Variants in RNF166 observed in about 807,000 individuals in gnomAD.
RNF166 encodes the protein E3 ubiquitin-protein ligase RNF166.
In RNF166, 19 loss-of-function variants were observed where a neutral mutation model predicts 29.4. That is an observed-to-expected ratio of 0.65 (90% CI 0.45 to 0.95). The LOEUF (loss-of-function observed/expected upper bound fraction) is 0.95. RNF166 is among the 40% of genes least tolerant of loss of function. The pLI, the probability that RNF166 is intolerant of heterozygous loss-of-function variation, is 0.00. For missense variants in RNF166, 347 were observed against 322.1 expected (o/e 1.08, Z -0.59); for synonymous variants, 171 against 134.5 (o/e 1.27, Z -1.88).
intron 1 of RNF166, among the ~76,000 whole-genome samples, chr16:88,704,760 C>T (rs1293660379): frequency 5.9e-5 from 9 of 152,166 alleles, no homozygotes; most frequent in Admixed American, 2.6e-4. Flanking sequence ...GAGGCTGAGA[C>T]GGGCAGGTCA....
intron 1 of RNF166, chr16:88,703,861 G>C (rs1217329507): frequency 1.0e-6 from 1 of 985,346 alleles, no homozygotes; most frequent in Non-Finnish European, 1.2e-6. Context: ...GATCTGCCTG[G>C]CTGGCAGGCC....
At chr16:88,699,360 G>T (rs533737131) in intron 3 of RNF166, among the ~76,000 whole-genome samples, 1 of 152,356 alleles carries the variant, frequency 6.6e-6, no homozygotes, top group East Asian at 1.9e-4. Flanking sequence ...CACCTGCTGG[G>T]AGGCGATGTG....
At chr16:88,702,851 G>A (rs535724149) in intron 1 of RNF166, 4 of 985,384 alleles carry the variant, frequency 4.1e-6, no homozygotes, top group East Asian at 2.3e-4. Context: ...TTTGAGCCGG[G>A]GGGGCCGCCT....
intron 5 of RNF166, chr16:88,698,096 C>T: frequency 1.7e-6 from 1 of 577,828 alleles, no homozygotes; most frequent in Non-Finnish European, 3.1e-6. Context: ...GGTCTGCAGG[C>T]CCGGGGGCCA....
chr16:88,701,020 G>A, intron 2 of RNF166: 1 of 1,380,848 alleles, frequency 7.2e-7, no homozygotes, highest in Non-Finnish European at 9.4e-7. Flanking sequence ...GCCCGGGCTA[G>A]GCGGCTCTGA....
intron 1 of RNF166, chr16:88,703,563 G>A (rs766641172): frequency 1.1e-4 from 113 of 985,410 alleles, no homozygotes; most frequent in Middle Eastern, 1.0e-3. Context: ...GTGCTCTATC[G>A]GCCTAGTTTC....
chr16:88,702,935 C>G, intron 1 of RNF166: 2 of 985,566 alleles, frequency 2.0e-6, no homozygotes, highest in South Asian at 4.7e-5. Flanking sequence ...CCCCCATACT[C>G]AGGCACTCAT....
In RNF166 at chr16:88,697,159, C is replaced by T. The variant is rs117229196; in HGVS notation, c.*409G>A. The T allele has an allele frequency of 6.9e-5, 12 of 174,350 alleles. No homozygotes were observed. The highest frequency in any genetic ancestry group is 1.7e-4 in the African/African-American group (7 of 41,856). 10.8% of individuals were successfully genotyped at this position (174,350 alleles called of 1,614,324 possible). On this transcript the variant is annotated 3_prime_UTR_variant, in exon 6 of 6. Transcript: ENST00000312838. ...CAAATGCGCAAGGTGGAAGTGGGGC[C>T]GGGGCAGGGTCGGGCTGGGCAGGGC...
intron 5 of RNF166, 65 bp from the exon 6 acceptor site, chr16:88,697,698 C>T (rs766316284): frequency 1.6e-6 from 2 of 1,222,050 alleles, no homozygotes; most frequent in Non-Finnish European, 2.4e-6. Flanking sequence ...CCCCTCTGCC[C>T]ATCACCCACA....
chr16:88,701,188 C>T, intron 2 of RNF166, 74 bp downstream of exon 2: 1 of 1,572,844 alleles, frequency 6.4e-7, no homozygotes, highest in Non-Finnish European at 8.7e-7. Context: ...CGGCCCCCAC[C>T]CTCTGCAGAA....
chr16:88,698,709 C>A, intron 4 of RNF166, 100 bp from the exon 5 acceptor site: 1 of 957,468 alleles, frequency 1.0e-6, no homozygotes, highest in Non-Finnish European at 1.5e-6. Context: ...AGTGCTGCCT[C>A]AGCCTGGGAA....
intron 1 of RNF166, chr16:88,704,244 C>T (rs1334544838): frequency 1.0e-6 from 1 of 985,340 alleles, no homozygotes; most frequent in Non-Finnish European, 1.2e-6. Context: ...GCCTTAGCAA[C>T]ACCAACAAGA....
At chr16:88,704,773 G>A (rs186415554) in intron 1 of RNF166, among the ~76,000 whole-genome samples, 52 of 152,252 alleles carry the variant, frequency 3.4e-4, no homozygotes, top group African/African-American at 1.1e-3. Context: ...GCAGGTCACC[G>A]GAGGTCAGGA....
Position 88,697,414 on chromosome 16 carries a change from G to C in RNF166, c.*154C>G. Reference sequence around the variant, plus strand: ...GCCTCGGCGGCTGGCCCGTATTCAGGCCCGGAGGCTCGGCCCCGGCTCCCC... The same window carrying C: ...GCCTCGGCGGCTGGCCCGTATTCAGCCCCGGAGGCTCGGCCCCGGCTCCCC... On this transcript the variant is annotated 3_prime_UTR_variant, in exon 6 of 6. Transcript: ENST00000312838. 1 of 591,290 alleles carries C rather than the reference G, an allele frequency of 1.7e-6. No homozygotes were observed. The highest frequency in any genetic ancestry group is 3.0e-6 in the Non-Finnish European group (1 of 332,508). The allele number at this position is 591,290 out of a possible 1,614,324, so 36.6% of individuals were successfully genotyped here.
chr16:88,702,798 C>G (rs772642768), intron 1 of RNF166: 8 of 985,396 alleles, frequency 8.1e-6, no homozygotes, highest in African/African-American at 1.7e-5. Flanking sequence ...ACCAGGCGCC[C>G]CAGCAGATAT....
chr16:88,697,257 T>C lies in RNF166; in HGVS notation c.*311A>G, dbSNP rs561542199. 1.3e-4 allele frequency: 32 copies of C among 249,624 alleles called. 1 individual carries two copies. The South Asian group carries it at 2.9e-3, about 23-fold the overall frequency. 15.5% of individuals were successfully genotyped at this position (249,624 alleles called of 1,614,324 possible). ...TCGGTCCCTTCTTCCCACGAGGGGG[T>C]ATCATGGCTTTGAAGAGACGGCGGC... On this transcript the variant is annotated 3_prime_UTR_variant, in exon 6 of 6. Transcript: ENST00000312838.
chr16:88,706,359 T>C lies in RNF166; in HGVS notation c.-34A>G, dbSNP rs1031467811. 1.1e-4 allele frequency: 132 copies of C among 1,211,492 alleles called. No homozygotes were observed. In the Middle Eastern group the frequency reaches 1.3e-3, roughly 12 times the overall value. 75.0% of individuals were successfully genotyped at this position (1,211,492 alleles called of 1,614,324 possible). A position where few individuals can be genotyped will look rare whatever the true frequency, so the allele number is the denominator to read the frequency against. On this transcript the variant is annotated 5_prime_UTR_variant, in exon 1 of 6. Coordinates refer to ENST00000312838, the MANE Select transcript of RNF166 (RefSeq NM_178841.4). ...CAGGCCCGCGCCGCCCGCCGCCCGC[T>C]GTCCTGGCCCGGGCCGGCCCGCTAG...
Position 88,706,183 on chromosome 16 carries a change from C to G in RNF166, c.143G>C (p.Ser48Thr). ...EVYHRPVAIG[S>T]CGHTFCGECL... Reference sequence around the variant, plus strand: ...CGGGCGCGCTCACGTGTGGCCGCAGCTGCCGATGGCCACGGGCCGGTGATA... The same window carrying G: ...CGGGCGCGCTCACGTGTGGCCGCAGGTGCCGATGGCCACGGGCCGGTGATA... Residue 48 changes from serine to threonine, a missense_variant, in exon 1 of 6, where the codon AGC (serine) becomes ACC (threonine). Ser to Thr is a moderately conservative substitution (Grantham distance 58, BLOSUM62 1). Coordinates refer to ENST00000312838, the MANE Select transcript of RNF166 (RefSeq NM_178841.4). The G allele has an allele frequency of 3.9e-6, 5 of 1,276,490 alleles. No individual in the cohort carries two copies. Among genetic ancestry groups the G allele is most frequent in the Non-Finnish European group, 5.0e-6 (5 of 1,006,366 alleles). 79.1% of individuals were successfully genotyped at this position (1,276,490 alleles called of 1,614,324 possible).
chr16:88,702,970 G>A lies in RNF166; in HGVS notation c.156-1552C>T, dbSNP rs1910404509. The A allele has an allele frequency of 1.0e-5, 10 of 985,498 alleles. No individual in the cohort carries two copies. The South Asian group carries it at 1.9e-4, about 19-fold the overall frequency. 61.0% of individuals were successfully genotyped at this position (985,498 alleles called of 1,614,324 possible). ...TGGCAGGAGAAGCGGAAGCAGCTCA[G>A]GTGCCCGTCGGTAAACGGATGAAGA... On this transcript the variant is annotated intron_variant, in intron 1 of 5. Transcript: ENST00000312838.
Sources: allele counts gnomAD v4.1 joint callset (sites outside exome capture counted in the v4.1 genomes callset), GRCh38; gene constraint gnomAD v4.1.1; transcripts MANE v1.5; gene names NCBI Gene and HGNC (gene_info 2026-07-23, HGNC 2026-07-21).